The following HOXC5 variants were observed in gnomAD, a reference collection of about 807,000 sequenced individuals.
HOXC5 encodes the protein homeobox C5, also known as homeobox protein Hox-C5.
HOXC5 carries 19 observed loss-of-function variants against 20.1 expected under a neutral mutation model. The ratio of observed to expected loss-of-function variants is 0.94; its 90% CI spans 0.66 to 1.38. The LOEUF is 1.38. Among genes scored for constraint, HOXC5 ranks in the 40% most tolerant of loss-of-function variants. The pLI, the probability that HOXC5 is intolerant of heterozygous loss-of-function variation, is 0.00. For missense variants in HOXC5, 330 were observed against 300.1 expected, an observed-to-expected ratio of 1.10 and a Z score of -0.74; for synonymous variants, 124 against 117.0, an observed-to-expected ratio of 1.06 and a Z score of -0.39.
At chr12:54,030,006 C>G, upstream of HOXC5, 1 of 1,443,894 alleles carries the variant, frequency 6.9e-7, no homozygotes, top group Non-Finnish European at 9.2e-7. Context: ...CTCCCTCGCT[C>G]CCCACCAACT....
At chr12:54,026,106 A>ATC in the HOXC5 span, among the ~76,000 whole-genome samples, 1 of 152,096 alleles carries the variant, frequency 6.6e-6, no homozygotes, top group Non-Finnish European at 1.5e-5. Context: ...CCCTCTAGCA[A>ATC]TCTCTCTCTG....
the HOXC5 span, among the ~76,000 whole-genome samples, chr12:54,026,973 G>GA: frequency 0.03 from 4,192 of 140,798 alleles, 212 homozygotes; most frequent in African/African-American, 0.099. Flanking sequence ...GTGGGGGGGG[G>GA]GGGATATGAG....
chr12:54,028,705 G>A (rs747377713), upstream of HOXC5: 2 of 1,614,000 alleles, frequency 1.2e-6, no homozygotes, highest in Admixed American at 1.7e-5. Flanking sequence ...GGAGAATGTC[G>A]TGTTCAGTTC....
At chr12:54,028,838 C>T, upstream of HOXC5, 1 of 1,614,154 alleles carries the variant, frequency 6.2e-7, no homozygotes, top group Non-Finnish European at 8.5e-7. Flanking sequence ...GATTTTAGTT[C>T]TGAGCAGGGC....
rs768897638 is a variant in HOXC5, at chr12:54,033,548, G to A, written c.426G>A (p.Pro142=). Reference sequence around the variant, plus strand: ...CACCGGCCCCGCCACAGATTTACCCGTGGATGACCAAACTGCACATGAGCC... The same window carrying A: ...CACCGGCCCCGCCACAGATTTACCCATGGATGACCAAACTGCACATGAGCC... ...SQPPAPPQIY[P]WMTKLHMSHE... The change falls in exon 1 of 2, where the codon CCG becomes CCA. Residue 142 remains proline, a synonymous_variant. Coordinates refer to ENST00000312492, the MANE Select transcript of HOXC5 (RefSeq NM_018953.4). 3.8e-6 allele frequency: 6 copies of A among 1,596,282 alleles called. No individual in the cohort carries two copies. The East Asian group carries it at 9.0e-5, about 24-fold the overall frequency.
chr12:54,025,117 C>T, the HOXC5 span, among the ~76,000 whole-genome samples: 11 of 152,166 alleles, frequency 7.2e-5, no homozygotes, highest in African/African-American at 2.7e-4. Context: ...GGGTAGTGTT[C>T]TCTGATTTCT....
At chr12:54,021,602 A>C in the HOXC5 span, 1 of 152,356 alleles carries the variant, frequency 6.6e-6, no homozygotes, top group African/African-American at 2.4e-5. Context: ...GGTTCCTCCC[A>C]AGACTCTTGT....
the HOXC5 span, among the ~76,000 whole-genome samples, chr12:54,027,923 G>GA: frequency 6.6e-6 from 1 of 151,746 alleles, no homozygotes; most frequent in Middle Eastern, 3.2e-3. Context: ...AATTATTGGT[G>GA]AAAAAAATAC....
upstream of HOXC5, chr12:54,032,768 G>GT (rs1206353450): frequency 1.8e-5 from 3 of 171,204 alleles, no homozygotes; most frequent in African/African-American, 4.8e-5. Flanking sequence ...TGGGCTTGTT[G>GT]TCCCGGCTAC....
chr12:54,031,258 C>A (rs956467413), upstream of HOXC5, among the ~76,000 whole-genome samples: 1 of 152,150 alleles, frequency 6.6e-6, no homozygotes, highest in African/African-American at 2.4e-5. Flanking sequence ...CGGGGGGCGC[C>A]GTGAGAGCAA....
In HOXC5 at chr12:54,034,676, G is replaced by A. The variant is rs1425250471; in HGVS notation, c.*184G>A. ...ATCCCTACCGACCCAGGGTTCCCGC[G>A]GGGCTGTCGGCGCTGCCCCATCTCC... is the stretch of plus-strand genomic sequence containing the variant. On this transcript the variant is annotated 3_prime_UTR_variant, in exon 2 of 2. Coordinates refer to ENST00000312492, the MANE Select transcript of HOXC5 (RefSeq NM_018953.4). 5.1e-6 allele frequency: 3 copies of A among 590,672 alleles called. No homozygotes were observed. Among genetic ancestry groups the A allele is most frequent in the Non-Finnish European group, 9.0e-6 (3 of 334,096 alleles). 36.6% of individuals were successfully genotyped at this position (590,672 alleles called of 1,614,324 possible).
rs777232589 is a variant in HOXC5 at position 54,033,433 on chromosome 12, C to T, written c.311C>T (p.Ala104Val). Residue 104 changes from alanine to valine, a missense_variant, in exon 1 of 2, where the codon GCT becomes GTT. Ala to Val is a moderately conservative substitution (Grantham distance 64). Transcript: ENST00000312492. Reference protein sequence around the residue: ...LNPGMYSQKAARPALEERAKS... With the variant: ...LNPGMYSQKAVRPALEERAKS... The stretch of plus-strand genomic sequence containing the variant: ...CCCGGGATGTACAGTCAGAAGGCGG[C>T]TCGCCCGGCGCTGGAGGAGCGAGCT... The T allele has an allele frequency of 2.2e-5, 36 of 1,602,594 alleles. No homozygotes were observed. Among genetic ancestry groups the T allele is most frequent in the Middle Eastern group, 1.9e-4 (1 of 5,356 alleles).
chr12:54,017,921 G>C, the HOXC5 span, among the ~76,000 whole-genome samples: 1 of 151,986 alleles, frequency 6.6e-6, no homozygotes, highest in Non-Finnish European at 1.5e-5. Flanking sequence ...CTCCCTCCCA[G>C]AGAGCGCGAC....
upstream of HOXC5, among the ~76,000 whole-genome samples, chr12:54,031,828 T>A (rs1423088728): frequency 6.6e-6 from 1 of 152,122 alleles, no homozygotes; most frequent in Non-Finnish European, 1.5e-5. Flanking sequence ...TGGCTGCAGA[T>A]ACCCTGCGAA....
upstream of HOXC5, among the ~76,000 whole-genome samples, chr12:54,031,754 C>T (rs552954968): frequency 6.6e-6 from 1 of 152,274 alleles, no homozygotes; most frequent in African/African-American, 2.4e-5. Context: ...GCGGAGATTT[C>T]CTGGGAAGAA....
chr12:54,023,787 T>A, the HOXC5 span, among the ~76,000 whole-genome samples: 52 of 152,270 alleles, frequency 3.4e-4, no homozygotes, highest in African/African-American at 1.2e-3. Flanking sequence ...ATGCGGTGTG[T>A]GTAGCGGGGG....
At position 54,033,320 on chromosome 12, in the gene HOXC5, C is replaced by T. The variant is rs751432903; in HGVS notation, c.198C>T (p.Asn66=). 1.2e-6 allele frequency: 2 copies of T among 1,613,914 alleles called. No individual in the cohort carries two copies. Among genetic ancestry groups the T allele is most frequent in the Non-Finnish European group, 1.7e-6 (2 of 1,179,984 alleles). The change falls in exon 1 of 2, where the codon AAC becomes AAT. Residue 66 remains asparagine, a synonymous_variant. Transcript: ENST00000312492. ...TCCACGGGGTAGACATGGCTGCCAA[C>T]CCCCGGGCTCACCCCGACCGCCCCG... The part of the protein sequence containing the change: ...NSLHGVDMAA[N]PRAHPDRPAC...
chr12:54,018,014 C>T, the HOXC5 span, among the ~76,000 whole-genome samples: 2 of 152,160 alleles, frequency 1.3e-5, no homozygotes, highest in Non-Finnish European at 2.9e-5. Context: ...GCCGGCGGGG[C>T]CTGTTAATTG....
At chr12:54,032,995 G>A, upstream of HOXC5, 1 of 721,072 alleles carries the variant, frequency 1.4e-6, no homozygotes, top group Non-Finnish European at 2.3e-6. Context: ...GAGCGCATAG[G>A]ATAAAGAAAG....
Sources: allele counts gnomAD v4.1 joint callset (sites outside exome capture counted in the v4.1 genomes callset), GRCh38; gene constraint gnomAD v4.1.1; transcripts MANE v1.5; gene names NCBI Gene and HGNC (gene_info 2026-07-23, HGNC 2026-07-21).